IRAK1BP1: variants seen among roughly 807,000 people sequenced by gnomAD.
IRAK1BP1 encodes interleukin 1 receptor associated kinase 1 binding protein 1, also known as interleukin-1 receptor-associated kinase 1-binding protein 1.
Under a neutral mutation model 28.0 loss-of-function variants are expected in IRAK1BP1, and 24 were observed. The observed-to-expected ratio is 0.86, with a 90% CI of 0.62 to 1.20. The LOEUF (loss-of-function observed/expected upper bound fraction) is 1.20, where lower values mean the gene tolerates loss of function less well. Ranked by LOEUF, IRAK1BP1 falls within the 50% of genes most tolerant of loss-of-function variation. The pLI, the probability that IRAK1BP1 is intolerant of heterozygous loss-of-function variation, is 0.00. For synonymous variants in IRAK1BP1, 131 were observed against 116.3 expected (o/e 1.13, Z -0.81); for missense variants, 336 against 316.7 (o/e 1.06, Z -0.46).
intron 4 of IRAK1BP1, chr6:78,945,191 T>G (rs969804634): frequency 2.5e-5 from 19 of 771,276 alleles, no homozygotes; most frequent in Non-Finnish European, 4.2e-5. Flanking sequence ...TACAGATGTG[T>G]GACTTTTAAG....
chr6:78,962,206 C>G, the IRAK1BP1 span, among the ~76,000 whole-genome samples: 1 of 151,986 alleles, frequency 6.6e-6, no homozygotes, highest in Non-Finnish European at 1.5e-5. Flanking sequence ...CAAACGTATC[C>G]CTTTATCTCA....
chr6:78,893,348 A>ATATATC (rs1582016941), intron 2 of IRAK1BP1, among the ~76,000 whole-genome samples: 3 of 126,038 alleles, frequency 2.4e-5, no homozygotes, highest in East Asian at 2.3e-4. Context: ...ATATATATAT[A>ATATATC]TCAACGAAGA....
the IRAK1BP1 span, among the ~76,000 whole-genome samples, chr6:78,973,840 T>C: frequency 2.0e-5 from 3 of 151,676 alleles, no homozygotes; most frequent in Non-Finnish European, 4.4e-5. Flanking sequence ...CCTAAATATA[T>C]ATGCACCCAA....
rs1346381977 is a variant in IRAK1BP1 at position 78,902,295 on chromosome 6, A to G, written c.*3961A>G. On this transcript the variant is annotated 3_prime_UTR_variant, in exon 4 of 4. Transcript: ENST00000369940. ...GTAGCTGAAACATTAGGTGCACACC[A>G]CCAGGCCTGGCTAATTTTTTATTAG... The G allele has an allele frequency of 6.6e-6, 1 of 152,214 alleles. No homozygotes were observed. The highest frequency in any genetic ancestry group is 2.4e-5 in the African/African-American group (1 of 41,436). The allele number at this position is 152,214 out of a possible 1,614,324, so 9.4% of individuals were successfully genotyped here.
At chr6:78,972,514 C>T in the IRAK1BP1 span, among the ~76,000 whole-genome samples, 18 of 152,192 alleles carry the variant, frequency 1.2e-4, no homozygotes, top group Admixed American at 1.2e-3. Context: ...AGCAATGGAA[C>T]AAAGCTGGAC....
At chr6:78,943,362 T>C (rs1377642844) in intron 4 of IRAK1BP1, among the ~76,000 whole-genome samples, 4 of 152,172 alleles carry the variant, frequency 2.6e-5, no homozygotes, top group Non-Finnish European at 4.4e-5. Flanking sequence ...CAGGTTATGA[T>C]ACCAGACCTC....
intron 4 of IRAK1BP1, among the ~76,000 whole-genome samples, chr6:78,916,034 T>TC (rs1772550773): frequency 6.6e-6 from 1 of 152,132 alleles, no homozygotes; most frequent in African/African-American, 2.4e-5. Context: ...AAAATCACAC[T>TC]CCACAGGGTG....
At chr6:78,874,034 C>T (rs1220449134) in intron 1 of IRAK1BP1, among the ~76,000 whole-genome samples, 1 of 152,162 alleles carries the variant, frequency 6.6e-6, no homozygotes, top group Non-Finnish European at 1.5e-5. Context: ...ATGTAGTTCT[C>T]TTGGCTTTAC....
intron 2 of IRAK1BP1, among the ~76,000 whole-genome samples, chr6:78,888,028 A>AG (rs1315566089): frequency 6.6e-6 from 1 of 151,824 alleles, no homozygotes; most frequent in East Asian, 1.9e-4. Flanking sequence ...TAGCCTTAAA[A>AG]AAAAGGGAAA....
At chr6:78,922,568 G>A (rs1772767108) in intron 4 of IRAK1BP1, among the ~76,000 whole-genome samples, 1 of 152,118 alleles carries the variant, frequency 6.6e-6, no homozygotes, top group Admixed American at 6.5e-5. Flanking sequence ...AGGAAATACA[G>A]AGAGTGCCAC....
chr6:78,907,243 C>T (rs1022397443), downstream of IRAK1BP1, among the ~76,000 whole-genome samples: 3 of 152,156 alleles, frequency 2.0e-5, no homozygotes, highest in Non-Finnish European at 4.4e-5. Context: ...GAATCTGTCA[C>T]TAATTTTTAT....
At chr6:78,879,328 A>G (rs1485800561) in intron 1 of IRAK1BP1, among the ~76,000 whole-genome samples, 1 of 152,156 alleles carries the variant, frequency 6.6e-6, no homozygotes, top group Non-Finnish European at 1.5e-5. Flanking sequence ...GTGCACATGT[A>G]CTGTAGAACT....
At chr6:78,878,599 A>G (rs1771099687) in intron 1 of IRAK1BP1, among the ~76,000 whole-genome samples, 2 of 152,234 alleles carry the variant, frequency 1.3e-5, no homozygotes, top group African/African-American at 4.8e-5. Flanking sequence ...TCTCCTCCAA[A>G]GGAATGCAGC....
chr6:78,877,860 G>A (rs1438351537), intron 1 of IRAK1BP1, among the ~76,000 whole-genome samples: 1 of 152,134 alleles, frequency 6.6e-6, no homozygotes, highest in Non-Finnish European at 1.5e-5. Flanking sequence ...ACCTGGCTCA[G>A]AGGGTCCCAC....
At chr6:78,972,969 G>A in the IRAK1BP1 span, among the ~76,000 whole-genome samples, 4 of 140,118 alleles carry the variant, frequency 2.9e-5, no homozygotes, top group East Asian at 2.0e-4. Flanking sequence ...TATTATCCAC[G>A]AGAATTTCCC....
chr6:78,893,598 A>G (rs956507659), intron 2 of IRAK1BP1, among the ~76,000 whole-genome samples: 1 of 152,010 alleles, frequency 6.6e-6, no homozygotes, highest in Admixed American at 6.6e-5. Flanking sequence ...AGAAATCTCT[A>G]TATTTATATA....
chr6:78,969,786 G>GA, the IRAK1BP1 span: 2,395 of 838,286 alleles, frequency 2.9e-3, no homozygotes, highest in South Asian at 5.1e-3. Flanking sequence ...CACTTACTAA[G>GA]AAAAAAAAAC....
rs759451013 is a variant in IRAK1BP1 at position 78,940,939 on chromosome 6, TCTC to T, written c.*68-4466_*68-4464del. On this transcript the variant is annotated intron_variant and NMD_transcript_variant, in intron 4 of 4. Transcript: ENST00000606868. ...GATCATCTATCTTTTTTCGGTTACT[TCTC>T]CTTAACACTTTGACACTTGCAGGGA... 5 of 1,614,046 alleles carry T rather than the reference TCTC, an allele frequency of 3.1e-6. No homozygotes were observed. Among genetic ancestry groups the T allele is most frequent in the South Asian group, 2.2e-5 (2 of 91,080 alleles).
chr6:78,893,314 GTATATA>G (rs60728695), intron 2 of IRAK1BP1, among the ~76,000 whole-genome samples: 12,621 of 103,180 alleles, frequency 0.12, 826 homozygotes, highest in Admixed American at 0.15. Context: ...GTGTGTGTGT[GTATATA>G]TATATATATA....
Sources: gnomAD v4.1 joint callset for allele counts (sites outside exome capture counted in the v4.1 genomes callset) on GRCh38, gnomAD v4.1.1 for gene constraint, MANE v1.5 for transcripts, NCBI Gene and HGNC (gene_info 2026-07-23, HGNC 2026-07-21) for gene names.